The following PRDM16 variants were observed in gnomAD, a reference collection of about 807,000 sequenced individuals.
PRDM16 encodes the protein histone-lysine N-methyltransferase PRDM16.
Under a neutral mutation model 110.6 loss-of-function variants are expected in PRDM16, and 23 were observed. That is an observed-to-expected ratio of 0.21 (90% CI 0.15 to 0.29). The LOEUF is 0.29. PRDM16 is among the 10% of genes least tolerant of loss of function. PRDM16 has a pLI of 1.00. For synonymous variants in PRDM16, 799 were observed against 781.8 expected, an observed-to-expected ratio of 1.02 and a Z score of -0.37; for missense variants, 1,615 against 1,794.3, an observed-to-expected ratio of 0.90 and a Z score of 1.81.
chr1:3,199,720 C>T (rs914895042), intron 2 of PRDM16, among the ~76,000 whole-genome samples: 1 of 152,214 alleles, frequency 6.6e-6, no homozygotes, highest in Non-Finnish European at 1.5e-5. Flanking sequence ...AAGTCTTGCT[C>T]GGCTAGGAGC....
intron 3 of PRDM16, chr1:3,308,958 G>A (rs1641377520): frequency 1.3e-5 from 2 of 152,210 alleles, no homozygotes; most frequent in Admixed American, 6.5e-5. Context: ...CCCTGCCTCT[G>A]GGATCTGGAG....
rs755193238 is a variant in PRDM16, at chr1:3,411,679, C to G, written c.1482C>G (p.His494Gln). The G allele has an allele frequency of 2.5e-6, 4 of 1,611,210 alleles. No individual in the cohort carries two copies. In the Admixed American group the frequency reaches 5.0e-5, roughly 20 times the overall value. The part of the protein sequence containing the change: ...GFNEYFPSRP[H>Q]PGSLPFSTAP... Reference sequence around the variant, plus strand: ...ACGAGTACTTTCCCTCCAGGCCGCACCCGGGGAGCCTGCCCTTCTCCACGG... The same window carrying G: ...ACGAGTACTTTCCCTCCAGGCCGCAGCCGGGGAGCCTGCCCTTCTCCACGG... Residue 494 changes from histidine to glutamine, a missense_variant, in exon 9 of 17, where the codon CAC becomes CAG. Around this residue, in one of 5 missense-constraint regions of PRDM16, gnomAD observed 772 missense variants for 748.3 expected, o/e 1.03. Transcript: ENST00000270722.
At chr1:3,369,929 G>C (rs1403581736) in intron 3 of PRDM16, among the ~76,000 whole-genome samples, 2 of 152,212 alleles carry the variant, frequency 1.3e-5, no homozygotes, top group Admixed American at 6.5e-5. Context: ...TGAGCTATTT[G>C]CAAGAGCTGA....
chr1:3,236,544 G>A (rs1041424228), intron 2 of PRDM16, among the ~76,000 whole-genome samples: 1 of 152,210 alleles, frequency 6.6e-6, no homozygotes, highest in Admixed American at 6.5e-5. Flanking sequence ...GCTGGGCGTG[G>A]CCATGGGCCC....
rs1401702871 is a variant in PRDM16 at position 3,284,917 on chromosome 1, C to G, written c.438+40780C>G. Among the ~76,000 whole-genome samples, 3 of 152,340 alleles carry G rather than the reference C, an allele frequency of 2.0e-5. No individual in the cohort carries two copies. The South Asian group carries it at 6.2e-4, about 32-fold the overall frequency. ...TTCCGAGCTTGGTGCACCTACTCAC[C>G]ACGCTGGCCCTTCCTGGGCTGTAAG... On this transcript the variant is annotated intron_variant, in intron 3 of 16. Transcript: ENST00000270722.
chr1:3,166,597 A>G (rs1230777366), intron 1 of PRDM16, among the ~76,000 whole-genome samples: 1 of 152,212 alleles, frequency 6.6e-6, no homozygotes, highest in African/African-American at 2.4e-5. Flanking sequence ...AGTCCCTCGC[A>G]TCGCCAGTAA....
intron 1 of PRDM16, among the ~76,000 whole-genome samples, chr1:3,086,003 A>G (rs1011826046): frequency 1.3e-5 from 2 of 152,360 alleles, no homozygotes; most frequent in Admixed American, 6.5e-5. Context: ...GGTCTGGGCC[A>G]TAGGCTGGGC....
intron 3 of PRDM16, among the ~76,000 whole-genome samples, chr1:3,297,167 T>C (rs1410572400): frequency 6.6e-6 from 1 of 152,124 alleles, no homozygotes; most frequent in Admixed American, 6.5e-5. Flanking sequence ...TTCTGCCCAG[T>C]GGCCCCTCCA....
chr1:3,333,392 C>G (rs1004625010), intron 3 of PRDM16, among the ~76,000 whole-genome samples: 1 of 152,156 alleles, frequency 6.6e-6, no homozygotes, highest in Non-Finnish European at 1.5e-5. Flanking sequence ...GTGCTTTGGC[C>G]TGGCTGCAGG....
intron 2 of PRDM16, among the ~76,000 whole-genome samples, chr1:3,214,768 C>T (rs1490378710): frequency 6.6e-6 from 1 of 152,188 alleles, no homozygotes; most frequent in Non-Finnish European, 1.5e-5. Context: ...GGGTGCCTGG[C>T]CCTGTGCTAA....
At chr1:3,401,611 C>A (rs1378893255) in intron 5 of PRDM16, among the ~76,000 whole-genome samples, 2 of 151,820 alleles carry the variant, frequency 1.3e-5, no homozygotes, top group African/African-American at 4.8e-5. Flanking sequence ...CAAACCAACA[C>A]ACAATGTGCG....
chr1:3,196,386 G>A (rs896646147), intron 2 of PRDM16, among the ~76,000 whole-genome samples: 10 of 152,356 alleles, frequency 6.6e-5, no homozygotes, highest in Middle Eastern at 3.4e-3. Flanking sequence ...ATTCTGTGTC[G>A]TAAACATGAC....
Position 3,411,509 on chromosome 1 carries a change from C to T in PRDM16, c.1312C>T (p.Leu438Phe). The stretch of plus-strand genomic sequence containing the variant: ...CCAGATGTTCAGCACTACCTCCTCC[C>T]TCAACAAGCACCGGCGCTTCTGCGA... ...CGQMFSTTSS[L>F]NKHRRFCEGK... Residue 438 changes from leucine (L) to phenylalanine (F), a missense_variant, in exon 9 of 17, where the codon CTC becomes TTC. Leu to Phe is a conservative substitution (Grantham distance 22). Around this residue, in one of 5 missense-constraint regions of PRDM16, gnomAD observed 772 missense variants for 748.3 expected, o/e 1.03. Transcript: ENST00000270722. The T allele has an allele frequency of 6.2e-7, 1 of 1,614,224 alleles. No homozygotes were observed. The highest frequency in any genetic ancestry group is 8.5e-7 in the Non-Finnish European group (1 of 1,180,036).
chr1:3,094,208 G>A (rs1206659126), intron 1 of PRDM16, among the ~76,000 whole-genome samples: 3 of 152,232 alleles, frequency 2.0e-5, no homozygotes, highest in Admixed American at 6.5e-5. Flanking sequence ...CTGGAGCCGC[G>A]GAGGAGACAG....
chr1:3,356,752 G>A (rs551677641), intron 3 of PRDM16, among the ~76,000 whole-genome samples: 13 of 152,322 alleles, frequency 8.5e-5, no homozygotes, highest in South Asian at 2.1e-4. Context: ...CGAGCAGCTC[G>A]GGAAGGTGGG....
At chr1:3,073,725 A>G (rs1641822458) in intron 1 of PRDM16, among the ~76,000 whole-genome samples, 1 of 152,130 alleles carries the variant, frequency 6.6e-6, no homozygotes, top group Non-Finnish European at 1.5e-5. Context: ...CCCCGCGCAC[A>G]AAGTCGCGGC....
intron 2 of PRDM16, among the ~76,000 whole-genome samples, chr1:3,218,021 C>T (rs776204911): frequency 6.6e-6 from 1 of 152,358 alleles, no homozygotes; most frequent in African/African-American, 2.4e-5. Flanking sequence ...AATCACCCCT[C>T]ATCCAACATC....
chr1:3,236,812 C>T (rs1025757730), intron 2 of PRDM16, among the ~76,000 whole-genome samples: 1 of 152,230 alleles, frequency 6.6e-6, no homozygotes, highest in African/African-American at 2.4e-5. Flanking sequence ...AGCAGGAAGC[C>T]ATAGCCTTGC....
At chr1:3,427,381 G>T (rs906861972) in intron 14 of PRDM16, among the ~76,000 whole-genome samples, 2 of 152,180 alleles carry the variant, frequency 1.3e-5, no homozygotes, top group African/African-American at 4.8e-5. Context: ...TCTTGCTCAG[G>T]CCCAGAACCT....
Sources: gnomAD v4.1 joint callset for allele counts (sites outside exome capture counted in the v4.1 genomes callset) on GRCh38, gnomAD v4.1.1 for gene constraint, gnomAD v4.1.1 regional missense constraint, MANE v1.5 for transcripts, NCBI Gene and HGNC (gene_info 2026-07-23, HGNC 2026-07-21) for gene names.